Variants in OR6B3 observed in about 807,000 individuals in gnomAD.
The protein encoded by OR6B3 is olfactory receptor 6B3.
For missense variants in OR6B3, 315 were observed against 427.4 expected, an observed-to-expected ratio of 0.74 and a Z score of 2.32; for synonymous variants, 148 against 187.8, an observed-to-expected ratio of 0.79 and a Z score of 1.73.
downstream of OR6B3, chr2:240,045,060 ACAGT>A (rs766667382): frequency 3.9e-6 from 6 of 1,544,798 alleles, no homozygotes; most frequent in African/African-American, 6.9e-5. Context: ...AATAATGCAA[ACAGT>A]CAAATGGCCT....
chr2:240,045,708 C>T (rs751323282), exon 2 of OR6B3: 27 of 1,364,544 alleles, frequency 2.0e-5, no homozygotes, highest in South Asian at 2.4e-5. Context: ...GGCCACGTAG[C>T]GGTCGTAGGC....
At chr2:240,045,464 G>T (rs764477654) in exon 2 of OR6B3, 1 of 1,614,118 alleles carries the variant, frequency 6.2e-7, no homozygotes, top group African/African-American at 1.3e-5. Context: ...GGATGATGAA[G>T]GCCAGAATGA....
intron 1 of OR6B3, 91 bp from the exon 3 acceptor site, chr2:240,046,188 T>C (rs1037525142): frequency 6.4e-5 from 57 of 888,728 alleles, no homozygotes; most frequent in South Asian, 4.6e-4. Flanking sequence ...AGTTTTGGTG[T>C]AAAGAGAGGC....
chr2:240,046,277 A>G (rs751720955), intron 1 of OR6B3, among the ~76,000 whole-genome samples, 180 bp from the exon 3 acceptor site: 1 of 152,054 alleles, frequency 6.6e-6, no homozygotes, highest in Non-Finnish European at 1.5e-5. Context: ...ACCTCTGATG[A>G]TATAGATTCT....
upstream of OR6B3, among the ~76,000 whole-genome samples, chr2:240,050,068 C>A (rs1698236225): frequency 7.4e-6 from 1 of 135,454 alleles, no homozygotes; most frequent in Non-Finnish European, 1.5e-5. Flanking sequence ...CTAACTACAA[C>A]AATGACTGGA....
upstream of OR6B3, among the ~76,000 whole-genome samples, chr2:240,047,607 T>G (rs1353936968): frequency 6.6e-6 from 1 of 152,232 alleles, no homozygotes; most frequent in African/African-American, 2.4e-5. Flanking sequence ...GTTTTGAATT[T>G]TGTTTCACGT....
At position 240,045,100 on chromosome 2, in the gene OR6B3, G is replaced by A. The variant is rs77973167; in HGVS notation, c.973C>T (p.Gln325Ter). ...CCTCAGAGAGGCTGGCTGTGTATTT[G>A]GAGATGAAGTTCCAGAAGACTAGAA... The change falls in exon 2 of 2, where the codon CAA becomes TAA. Residue 325 changes from glutamine to a stop codon, truncating the protein, a stop_gained. Transcript: ENST00000641019. LOFTEE classifies it low-confidence loss of function (END_TRUNC). 8 of 1,599,060 alleles carry A rather than the reference G, an allele frequency of 5.0e-6. No individual in the cohort carries two copies. Among genetic ancestry groups the A allele is most frequent in the Middle Eastern group, 1.7e-4 (1 of 5,958 alleles).
At chr2:240,052,193 A>G in the OR6B3 span, among the ~76,000 whole-genome samples, 2 of 152,222 alleles carry the variant, frequency 1.3e-5, no homozygotes, top group Non-Finnish European at 2.9e-5. The surrounding 1 kb of genome is among the most constrained non-coding windows in gnomAD (Gnocchi z 4.5). Context: ...TATTGTAAAA[A>G]TGTCAGTATC....
chr2:240,048,782 C>T (rs552433242), upstream of OR6B3, among the ~76,000 whole-genome samples: 44 of 152,330 alleles, frequency 2.9e-4, no homozygotes, highest in Middle Eastern at 3.4e-3. Flanking sequence ...TCTCTCTCCT[C>T]TTAGTCCTTA....
upstream of OR6B3, among the ~76,000 whole-genome samples, chr2:240,049,488 A>G (rs1205553920): frequency 2.6e-5 from 4 of 152,178 alleles, no homozygotes; most frequent in Non-Finnish European, 4.4e-5. Context: ...TAGGAGTTTT[A>G]AACTCTTCCT....
chr2:240,045,815 G>A (rs372789625), exon 2 of OR6B3: 337 of 1,602,766 alleles, frequency 2.1e-4, no homozygotes, highest in Non-Finnish European at 2.7e-4. Flanking sequence ...TCTGCTGGAG[G>A]AGGAAGCCCT....
upstream of OR6B3, among the ~76,000 whole-genome samples, chr2:240,048,760 C>T (rs1698223399): frequency 6.6e-6 from 1 of 152,220 alleles, no homozygotes; most frequent in Non-Finnish European, 1.5e-5. Flanking sequence ...ACCACAACCA[C>T]CTGCCCCCTC....
intron 1 of OR6B3, among the ~76,000 whole-genome samples, chr2:240,046,585 G>A (rs1698192794): frequency 6.6e-6 from 1 of 152,184 alleles, no homozygotes; most frequent in African/African-American, 2.4e-5. Context: ...TGGCAGGGGT[G>A]AGGCCCAGGT....
upstream of OR6B3, among the ~76,000 whole-genome samples, chr2:240,047,224 G>A (rs1471748688): frequency 2.6e-5 from 4 of 152,312 alleles, no homozygotes; most frequent in Non-Finnish European, 4.4e-5. Context: ...TAGGGCATAG[G>A]TTGGTTGAAC....
At chr2:240,052,318 A>C in the OR6B3 span, among the ~76,000 whole-genome samples, 1 of 152,196 alleles carries the variant, frequency 6.6e-6, no homozygotes, top group Admixed American at 6.5e-5. The surrounding 1 kb of genome is among the most constrained non-coding windows in gnomAD (Gnocchi z 4.5). Flanking sequence ...AACAGATGAG[A>C]ATAGCTAAAA....
chr2:240,045,582 G>C (rs1182827729), exon 2 of OR6B3: 1 of 1,532,634 alleles, frequency 6.5e-7, no homozygotes, highest in Admixed American at 1.7e-5. Context: ...CGTGACGCTG[G>C]AGATAAAACA....
chr2:240,047,648 A>G (rs1698211073), upstream of OR6B3, among the ~76,000 whole-genome samples: 1 of 152,222 alleles, frequency 6.6e-6, no homozygotes, highest in African/African-American at 2.4e-5. Context: ...ATAGTGATCC[A>G]TTACTTATTT....
chr2:240,053,068 G>T, the OR6B3 span, among the ~76,000 whole-genome samples: 52 of 152,170 alleles, frequency 3.4e-4, 1 homozygote, highest in African/African-American at 1.3e-3. This position sits in a 1 kb window ranked among gnomAD's most constrained non-coding sequence, Gnocchi z 4.1. Context: ...CTGCCAAAGT[G>T]CTGGAATTAC....
chr2:240,051,820 C>A (rs1698258884), upstream of OR6B3, among the ~76,000 whole-genome samples: 1 of 152,176 alleles, frequency 6.6e-6, no homozygotes, highest in Non-Finnish European at 1.5e-5. Flanking sequence ...CCAAAACTTT[C>A]ATGCATCTGT....
Sources: gnomAD v4.1 joint callset for allele counts (sites outside exome capture counted in the v4.1 genomes callset) on GRCh38, gnomAD v4.1.1 for gene constraint, Gnocchi (gnomAD v3.1) non-coding constraint, MANE v1.5 for transcripts, NCBI Gene and HGNC (gene_info 2026-07-23, HGNC 2026-07-21) for gene names.